Variants in PCSK5 observed in about 807,000 individuals in gnomAD.
The protein encoded by PCSK5 is proprotein convertase subtilisin/kexin type 5, also known as prohormone convertase 5.
A neutral mutation model predicts 233.2 loss-of-function variants in PCSK5; 129 were observed. That is an observed-to-expected ratio of 0.55 (90% CI 0.48 to 0.64). The LOEUF (loss-of-function observed/expected upper bound fraction) is 0.64, where lower values mean the gene tolerates loss of function less well. Ranked by LOEUF, PCSK5 falls within the 30% of genes least tolerant of loss-of-function variation. The pLI is 0.00. For synonymous variants in PCSK5, 825 were observed against 879.2 expected, an observed-to-expected ratio of 0.94 and a Z score of 1.09; for missense variants, 2,076 against 2,430.1, an observed-to-expected ratio of 0.85 and a Z score of 3.06.
chr9:76,195,474 G>A (rs901513907), intron 20 of PCSK5: 1 of 152,166 alleles, frequency 6.6e-6, no homozygotes, highest in Non-Finnish European at 1.5e-5. Context: ...CCATGCAGGT[G>A]CACGTCGCGG....
chr9:76,070,905 C>T (rs2131601630), intron 6 of PCSK5, among the ~76,000 whole-genome samples: 1 of 152,132 alleles, frequency 6.6e-6, no homozygotes, highest in Middle Eastern at 3.4e-3. Flanking sequence ...TACAGTGTTT[C>T]AGTGATGGTG....
In PCSK5 at chr9:76,316,498, C is replaced by T. The variant is rs149462254; in HGVS notation, c.3885-4924C>T. Among the ~76,000 whole-genome samples, 962 of 151,252 alleles carry T rather than the reference C, an allele frequency of 6.4e-3. 5 individuals are homozygous for T. Among genetic ancestry groups the T allele is most frequent in the Middle Eastern group, 0.014 (4 of 294 alleles). ...CAGCACTTTGGGATGCCATGGTGGG[C>T]GCACTGCTTGAGGCCAGGAGTTTGA... is the stretch of plus-strand genomic sequence containing the variant. On this transcript the variant is annotated intron_variant, in intron 30 of 37. Transcript: ENST00000674117.
intron 5 of PCSK5, among the ~76,000 whole-genome samples, chr9:76,045,710 AT>A (rs1411709469): frequency 6.6e-6 from 1 of 152,224 alleles, no homozygotes; most frequent in Non-Finnish European, 1.5e-5. Context: ...ATTGTGATTT[AT>A]TAATAAATTA....
chr9:76,182,520 G>A (rs975427793), intron 16 of PCSK5, among the ~76,000 whole-genome samples: 14 of 62,336 alleles, frequency 2.2e-4, no homozygotes, highest in Non-Finnish European at 4.9e-4. Flanking sequence ...AGTAGAATTT[G>A]GGGGAGTGTT....
intron 8 of PCSK5, among the ~76,000 whole-genome samples, chr9:76,101,428 T>C (rs1269274882): frequency 1.3e-5 from 2 of 152,214 alleles, no homozygotes; most frequent in African/African-American, 4.8e-5. Flanking sequence ...AACCTGTTTT[T>C]AGTGTCAAAA....
chr9:76,171,467 C>T lies in PCSK5; in HGVS notation c.1756+1627C>T, dbSNP rs57645825. On this transcript the variant is annotated intron_variant, in intron 13 of 37. Transcript: ENST00000674117. ...TTTTAAAGTTATAAAACTAACTAAA[C>T]GTGACTCTGTTCTTTATTACCACCA... 1.2e-3 allele frequency among the ~76,000 whole-genome samples: 189 copies of T among 152,290 alleles called. 1 individual carries two copies. The East Asian group carries it at 0.014, about 11-fold the overall frequency.
At chr9:75,922,617 A>G (rs1445776544) in intron 1 of PCSK5, among the ~76,000 whole-genome samples, 1 of 152,158 alleles carries the variant, frequency 6.6e-6, no homozygotes, top group East Asian at 1.9e-4. Context: ...ACTGGGAAGA[A>G]CTTTTTAACA....
chr9:76,189,260 C>T (rs369771249), intron 19 of PCSK5, 37 bp downstream of exon 19: 84 of 1,581,672 alleles, frequency 5.3e-5, no homozygotes, highest in Non-Finnish European at 7.0e-5. Context: ...AGCATTTAGA[C>T]CTAAGTTCTT....
chr9:76,360,655 C>T lies in PCSK5; in HGVS notation c.*1733C>T, dbSNP rs1830416999. On this transcript the variant is annotated 3_prime_UTR_variant, in exon 38 of 38. Transcript: ENST00000674117. ...AGGAAAGCTCTTAAAACAGGGTTGACAAACAGTCTCTGGAAAGAGCCAGCT... is the reference window on the plus strand; with the variant it reads ...AGGAAAGCTCTTAAAACAGGGTTGATAAACAGTCTCTGGAAAGAGCCAGCT... The T allele has an allele frequency of 6.6e-6, 1 of 152,154 alleles. No homozygotes were observed. The highest frequency in any genetic ancestry group is 1.5e-5 in the Non-Finnish European group (1 of 68,038). 9.4% of individuals were successfully genotyped at this position (152,154 alleles called of 1,614,324 possible).
At chr9:76,355,481 A>G (rs2131531580) in intron 37 of PCSK5, among the ~76,000 whole-genome samples, 1 of 152,186 alleles carries the variant, frequency 6.6e-6, no homozygotes, top group East Asian at 1.9e-4. Context: ...TCAAAAAAAG[A>G]AAAGAAAAGA....
rs756137280 is a variant in PCSK5, at chr9:76,323,260, T to C, written c.4311T>C (p.Tyr1437=). The C allele has an allele frequency of 8.7e-6, 14 of 1,610,940 alleles. No individual in the cohort carries two copies. In the South Asian group the frequency reaches 1.2e-4, roughly 14 times the overall value. The change falls in exon 32 of 38, where the codon TAT becomes TAC. Residue 1437 remains tyrosine, a synonymous_variant. Transcript: ENST00000674117. ...TGGAGGAGTGTCCAGCAGGAACCTA[T>C]TATGAAAAGGAGACTAAGGAGTGCA... is the stretch of plus-strand genomic sequence containing the variant. ...LCLEECPAGT[Y]YEKETKECRD...
intron 24 of PCSK5, among the ~76,000 whole-genome samples, chr9:76,276,111 T>A (rs2131379861): frequency 6.6e-6 from 1 of 152,344 alleles, no homozygotes; most frequent in Admixed American, 6.5e-5. Context: ...TCATTTAATA[T>A]TCTCAATTTT....
chr9:76,156,929 C>A, intron 10 of PCSK5, 116 bp from the exon 11 acceptor site: 1 of 705,212 alleles, frequency 1.4e-6, no homozygotes, highest in South Asian at 1.7e-5. Flanking sequence ...TTTCTCAAAT[C>A]ATTGCTGGAA....
intron 2 of PCSK5, among the ~76,000 whole-genome samples, chr9:75,968,051 T>C (rs1825668332): frequency 6.6e-6 from 1 of 152,110 alleles, no homozygotes; most frequent in South Asian, 2.1e-4. Flanking sequence ...CGTGAGCCAC[T>C]GCGCCTGGCC....
At chr9:76,071,636 A>G in intron 6 of PCSK5, 90 bp from the exon 7 acceptor site, 1 of 1,082,958 alleles carries the variant, frequency 9.2e-7, no homozygotes, top group Non-Finnish European at 1.3e-6. Context: ...TTAAAAATGT[A>G]TTCTTCCCCC....
At chr9:76,323,846 G>A (rs777768515) in intron 32 of PCSK5, among the ~76,000 whole-genome samples, 9 of 151,982 alleles carry the variant, frequency 5.9e-5, no homozygotes, top group Non-Finnish European at 1.2e-4. Context: ...GCCTTCAAAA[G>A]CTACCTGAGA....
intron 24 of PCSK5, among the ~76,000 whole-genome samples, chr9:76,273,890 C>T (rs1242118635): frequency 1.3e-5 from 2 of 150,924 alleles, no homozygotes; most frequent in African/African-American, 2.4e-5. Flanking sequence ...TCAAGCAAGC[C>T]TCTTGCTTTG....
intron 8 of PCSK5, among the ~76,000 whole-genome samples, chr9:76,100,496 G>A (rs1831710982): frequency 1.3e-5 from 2 of 152,172 alleles, no homozygotes; most frequent in South Asian, 4.1e-4. Context: ...GAAAACTAAA[G>A]CTTGAGAAGT....
chr9:76,156,762 G>A (rs541933665), intron 10 of PCSK5, among the ~76,000 whole-genome samples: 1 of 152,312 alleles, frequency 6.6e-6, no homozygotes, highest in African/African-American at 2.4e-5. Flanking sequence ...TCTGAAGATT[G>A]TTGGGAGAAC....
Sources: allele counts gnomAD v4.1 joint callset (sites outside exome capture counted in the v4.1 genomes callset), GRCh38; gene constraint gnomAD v4.1.1; transcripts MANE v1.5; gene names NCBI Gene and HGNC (gene_info 2026-07-23, HGNC 2026-07-21).